CRPPA: variants seen among roughly 807,000 people sequenced by gnomAD.
CRPPA encodes the protein D-ribitol-5-phosphate cytidylyltransferase.
CRPPA carries 43 observed loss-of-function variants against 52.0 expected under a neutral mutation model. The observed-to-expected ratio is 0.83, with a 90% CI of 0.65 to 1.07. The LOEUF (loss-of-function observed/expected upper bound fraction) is 1.07. CRPPA is among the 50% of genes least tolerant of loss of function. The pLI is 0.00. For synonymous variants in CRPPA, 250 were observed against 203.5 expected (o/e 1.23, Z -1.94); for missense variants, 629 against 551.7 (o/e 1.14, Z -1.40).
intron 5 of CRPPA, among the ~76,000 whole-genome samples, chr7:16,281,871 C>T (rs1784328480): frequency 1.3e-5 from 2 of 152,142 alleles, no homozygotes; most frequent in Non-Finnish European, 1.5e-5. Context: ...AGTAGCATAA[C>T]GTTGTTCGTA....
intron 6 of CRPPA, among the ~76,000 whole-genome samples, chr7:16,264,906 G>T (rs910585149): frequency 6.6e-6 from 1 of 152,168 alleles, no homozygotes; most frequent in African/African-American, 2.4e-5. Flanking sequence ...TCTATCTCCA[G>T]AACGTCGTTG....
chr7:16,213,639 C>T (rs1005606268), intron 9 of CRPPA, among the ~76,000 whole-genome samples: 3 of 151,514 alleles, frequency 2.0e-5, no homozygotes, highest in Non-Finnish European at 2.9e-5. Context: ...ATCCCAGCTA[C>T]TTGAGAGGCT....
intron 8 of CRPPA, among the ~76,000 whole-genome samples, chr7:16,224,834 T>A (rs1478249318): frequency 1.3e-5 from 2 of 152,184 alleles, no homozygotes; most frequent in African/African-American, 4.8e-5. Flanking sequence ...ATTCCATTAA[T>A]TAATTTAATA....
chr7:16,269,726 A>G (rs901767672), intron 6 of CRPPA: 36 of 152,222 alleles, frequency 2.4e-4, no homozygotes, highest in African/African-American at 8.7e-4. Context: ...AAAACCTTGG[A>G]ACCATTGTTT....
intron 8 of CRPPA, among the ~76,000 whole-genome samples, chr7:16,239,335 TTACATTTA>T (rs1423736355): frequency 2.0e-5 from 3 of 151,808 alleles, no homozygotes; most frequent in Non-Finnish European, 2.9e-5. Flanking sequence ...ATTTTACAAG[TTACATTTA>T]TACATGAAGT....
chr7:16,131,175 A>G (rs1782673823), intron 9 of CRPPA, among the ~76,000 whole-genome samples: 1 of 152,230 alleles, frequency 6.6e-6, no homozygotes, highest in Non-Finnish European at 1.5e-5. Flanking sequence ...ACAAAACCAA[A>G]AAAAGTGGAA....
intron 6 of CRPPA, among the ~76,000 whole-genome samples, chr7:16,264,961 A>T (rs1783913724): frequency 6.6e-6 from 1 of 152,062 alleles, no homozygotes; most frequent in Non-Finnish European, 1.5e-5. Context: ...GGCTCAGTTT[A>T]CTCCTCAGTA....
At chr7:16,348,796 C>A (rs1786078144) in intron 3 of CRPPA, among the ~76,000 whole-genome samples, 1 of 152,158 alleles carries the variant, frequency 6.6e-6, no homozygotes, top group Non-Finnish European at 1.5e-5. Flanking sequence ...CTCTGGTTCA[C>A]CCCAGTGATT....
intron 2 of CRPPA, among the ~76,000 whole-genome samples, chr7:16,398,783 G>C (rs1320540220): frequency 6.6e-6 from 1 of 152,228 alleles, no homozygotes; most frequent in Non-Finnish European, 1.5e-5. Context: ...ACTGACACTT[G>C]ACTGACACGT....
chr7:16,327,330 C>T (rs1483673335), intron 3 of CRPPA, among the ~76,000 whole-genome samples: 10 of 152,050 alleles, frequency 6.6e-5, no homozygotes, highest in Admixed American at 5.2e-4. Context: ...CGGTGGCTCA[C>T]GCCTGTAATC....
At chr7:16,196,660 A>G (rs370956084) in intron 9 of CRPPA, among the ~76,000 whole-genome samples, 1 of 152,160 alleles carries the variant, frequency 6.6e-6, no homozygotes, top group South Asian at 2.1e-4. Context: ...CTAGAGAAAG[A>G]CACTCAGGTT....
intron 3 of CRPPA, among the ~76,000 whole-genome samples, chr7:16,310,378 T>C (rs1431098050): frequency 6.6e-6 from 1 of 151,960 alleles, no homozygotes; most frequent in Non-Finnish European, 1.5e-5. Flanking sequence ...ACGCCCCAAG[T>C]AGAAAACTCA....
chr7:16,344,627 T>C (rs1785959979), intron 3 of CRPPA, among the ~76,000 whole-genome samples: 1 of 152,040 alleles, frequency 6.6e-6, no homozygotes, highest in Non-Finnish European at 1.5e-5. Flanking sequence ...ATGAGAAAGT[T>C]GCCTTATCAA....
At chr7:16,223,631 AC>A (rs1444412233) in intron 8 of CRPPA, among the ~76,000 whole-genome samples, 4 of 152,178 alleles carry the variant, frequency 2.6e-5, no homozygotes, top group Non-Finnish European at 1.5e-5. Context: ...TCTAAAATAT[AC>A]CAACTACTTA....
At chr7:16,246,976 T>C (rs981355569) in intron 8 of CRPPA, among the ~76,000 whole-genome samples, 2 of 152,258 alleles carry the variant, frequency 1.3e-5, no homozygotes, top group Admixed American at 1.3e-4. Flanking sequence ...TTGACTTCTC[T>C]GTCCATAAAA....
chr7:16,107,165 C>A (rs368385369), intron 9 of CRPPA, among the ~76,000 whole-genome samples: 1 of 151,516 alleles, frequency 6.6e-6, no homozygotes, highest in Non-Finnish European at 1.5e-5. Flanking sequence ...GAACTGCAGA[C>A]GGAATAGAAA....
At chr7:16,169,436 T>A (rs993887139) in intron 9 of CRPPA, among the ~76,000 whole-genome samples, 1 of 152,168 alleles carries the variant, frequency 6.6e-6, no homozygotes, top group Non-Finnish European at 1.5e-5. Context: ...AATCTAAAAC[T>A]GTGTGCCAGA....
At chr7:16,284,374 TA>T (rs1784380151) in intron 5 of CRPPA, among the ~76,000 whole-genome samples, 1 of 152,094 alleles carries the variant, frequency 6.6e-6, no homozygotes, top group Non-Finnish European at 1.5e-5. Context: ...AAGGATTAGA[TA>T]ATGTGTAAAA....
intron 9 of CRPPA, among the ~76,000 whole-genome samples, chr7:16,100,867 GT>G (rs1217585453): frequency 1.3e-5 from 2 of 152,162 alleles, no homozygotes; most frequent in African/African-American, 4.8e-5. Flanking sequence ...ATGAAGGGGT[GT>G]TGAATATTAT....
Sources: allele counts gnomAD v4.1 joint callset (sites outside exome capture counted in the v4.1 genomes callset), GRCh38; gene constraint gnomAD v4.1.1; transcripts MANE v1.5; gene names NCBI Gene and HGNC (gene_info 2026-07-23, HGNC 2026-07-21).